The following ERBB4 variants were observed in gnomAD, a reference collection of about 807,000 sequenced individuals.
ERBB4 encodes receptor tyrosine-protein kinase erbB-4.
ERBB4 carries 42 observed loss-of-function variants against 158.0 expected under a neutral mutation model. That is an observed-to-expected ratio of 0.27 (90% CI 0.21 to 0.34). The LOEUF (loss-of-function observed/expected upper bound fraction) is 0.34, where lower values mean the gene tolerates loss of function less well. Ranked by LOEUF, ERBB4 falls within the 10% of genes least tolerant of loss-of-function variation. The probability of loss-of-function intolerance (pLI) is 1.00; values close to 1 mark genes in which losing one functional copy is unlikely to be tolerated. For missense variants in ERBB4, 1,333 were observed against 1,624.1 expected, an observed-to-expected ratio of 0.82 and a Z score of 3.08; for synonymous variants, 583 against 558.7, an observed-to-expected ratio of 1.04 and a Z score of -0.61.
intron 3 of ERBB4, among the ~76,000 whole-genome samples, chr2:211,846,792 T>G (rs1367575380): frequency 1.3e-5 from 2 of 152,126 alleles, no homozygotes; most frequent in African/African-American, 4.8e-5. Context: ...GCAATGCTGA[T>G]TTCTTCATGC....
chr2:211,915,422 CAG>C (rs1176598688), intron 3 of ERBB4, among the ~76,000 whole-genome samples: 1 of 139,456 alleles, frequency 7.2e-6, no homozygotes, highest in African/African-American at 2.7e-5. Context: ...GGCAAACTAA[CAG>C]AGTTCAAACA....
At chr2:211,943,879 C>T (rs761155613) in intron 3 of ERBB4, among the ~76,000 whole-genome samples, 55 of 151,538 alleles carry the variant, frequency 3.6e-4, no homozygotes, top group Admixed American at 1.3e-3. Flanking sequence ...TTTTAATGTG[C>T]GAATTAATCT....
chr2:211,384,053 C>A lies in ERBB4; in HGVS notation c.3489G>T (p.Leu1163=). 1 of 1,611,508 alleles carries A rather than the reference C, an allele frequency of 6.2e-7. No individual in the cohort carries two copies. The highest frequency in any genetic ancestry group is 8.5e-7 in the Non-Finnish European group (1 of 1,177,890). ...PMRDKPKQEY[L]NPVEENPFVS... ...CAAAAGGGTTCTCCTCCACTGGATT[C>A]AGGTATTCTAAAGGAATAAAAAAAT... Residue 1163 remains leucine, a synonymous_variant, in exon 28 of 28, where the codon CTG becomes CTT. Transcript: ENST00000342788.
At chr2:211,801,166 T>G (rs2076490819) in intron 3 of ERBB4, among the ~76,000 whole-genome samples, 1 of 152,144 alleles carries the variant, frequency 6.6e-6, no homozygotes. Flanking sequence ...CATTATTAAT[T>G]CAAATAAATG....
chr2:211,711,934 A>T, intron 9 of ERBB4, 116 bp downstream of exon 9: 1 of 854,780 alleles, frequency 1.2e-6, no homozygotes, highest in Non-Finnish European at 1.9e-6. Flanking sequence ...GGTGAGGAGC[A>T]TTAATGAAAG....
In ERBB4 at chr2:212,384,123, C is replaced by T. The variant is rs534160356; in HGVS notation, c.82+154326G>A. Among the ~76,000 whole-genome samples the T allele has an allele frequency of 3.3e-5, 5 of 151,754 alleles. No individual in the cohort carries two copies. In the South Asian group the frequency reaches 1.0e-3, roughly 31 times the overall value. On this transcript the variant is annotated intron_variant, in intron 1 of 27. Coordinates refer to ENST00000342788, the MANE Select transcript of ERBB4 (RefSeq NM_005235.3). ...ATTCCAGACCCAGTGGCTACAAACT[C>T]TTAATAAGCACAGAAGCTGCTTTTC...
chr2:212,056,419 T>C (rs1181273644), intron 2 of ERBB4, among the ~76,000 whole-genome samples: 2 of 151,992 alleles, frequency 1.3e-5, no homozygotes, highest in Admixed American at 6.6e-5. Context: ...ATTCAGGAAA[T>C]AGAGAGAACA....
intron 20 of ERBB4, among the ~76,000 whole-genome samples, chr2:211,443,355 C>A (rs1404874597): frequency 6.6e-6 from 1 of 151,968 alleles, no homozygotes; most frequent in Non-Finnish European, 1.5e-5. Context: ...GGCTTACTTG[C>A]ATATATGTTG....
intron 2 of ERBB4, among the ~76,000 whole-genome samples, chr2:211,982,690 G>C (rs577411751): frequency 6.6e-6 from 1 of 152,318 alleles, no homozygotes; most frequent in Admixed American, 6.5e-5. Flanking sequence ...ATAGGGCTCT[G>C]ACCCTTTATC....
intron 12 of ERBB4, among the ~76,000 whole-genome samples, chr2:211,684,093 T>A (rs988564290): frequency 3.3e-5 from 5 of 152,182 alleles, no homozygotes; most frequent in African/African-American, 1.2e-4. Flanking sequence ...ATTCCATCTA[T>A]CTATGAAACC....
intron 16 of ERBB4, among the ~76,000 whole-genome samples, chr2:211,655,171 T>A (rs2071163702): frequency 6.6e-6 from 1 of 151,956 alleles, no homozygotes. Context: ...GTGGCCAACA[T>A]TGTAATTGAG....
At chr2:211,902,206 T>A (rs1419867340) in intron 3 of ERBB4, among the ~76,000 whole-genome samples, 1 of 152,112 alleles carries the variant, frequency 6.6e-6, no homozygotes, top group African/African-American at 2.4e-5. Context: ...CCACAAAGAC[T>A]ATTTTGCGAA....
chr2:212,147,394 T>C (rs1335619676), intron 1 of ERBB4, among the ~76,000 whole-genome samples: 1 of 152,020 alleles, frequency 6.6e-6, no homozygotes, highest in Non-Finnish European at 1.5e-5. Flanking sequence ...TCCAGCATCA[T>C]TTAAGAGTTA....
chr2:211,937,166 C>T (rs1394399691), intron 3 of ERBB4, among the ~76,000 whole-genome samples: 1 of 152,160 alleles, frequency 6.6e-6, no homozygotes, highest in East Asian at 1.9e-4. Flanking sequence ...TACTTTTTCT[C>T]TTTTTAGAAA....
At chr2:211,472,386 T>C (rs1207286865) in intron 20 of ERBB4, among the ~76,000 whole-genome samples, 1 of 150,734 alleles carries the variant, frequency 6.6e-6, no homozygotes, top group African/African-American at 2.4e-5. Context: ...TGTCTCTACA[T>C]AGATTGTGTC....
At chr2:211,646,729 A>G (rs182675137) in intron 16 of ERBB4, among the ~76,000 whole-genome samples, 22 of 151,770 alleles carry the variant, frequency 1.4e-4, no homozygotes, top group African/African-American at 5.3e-4. Context: ...CTCAGAACAC[A>G]TACAGGATGC....
intron 20 of ERBB4, among the ~76,000 whole-genome samples, chr2:211,523,758 G>A (rs969544467): frequency 1.3e-5 from 2 of 152,070 alleles, no homozygotes; most frequent in Non-Finnish European, 2.9e-5. Context: ...TTATTGCAAA[G>A]AGTGAAAGAA....
chr2:212,512,384 G>A (rs1206765151), intron 1 of ERBB4, among the ~76,000 whole-genome samples: 1 of 151,248 alleles, frequency 6.6e-6, no homozygotes, highest in South Asian at 2.1e-4. Flanking sequence ...ATATGATACA[G>A]GTATTTTAAA....
chr2:211,462,283 C>T lies in ERBB4; in HGVS notation c.2488-31183G>A, dbSNP rs74499240. On this transcript the variant is annotated intron_variant, in intron 20 of 27. Coordinates refer to ENST00000342788, the MANE Select transcript of ERBB4 (RefSeq NM_005235.3). ...TATCATGAGCAGCACTGAGGGATAC[C>T]TGCCCCCATGATCCAATCACTTCCC... Among the ~76,000 whole-genome samples the T allele has an allele frequency of 1.4e-3, 217 of 152,142 alleles. 2 individuals carry two copies. Among genetic ancestry groups the T allele is most frequent in the African/African-American group, 4.8e-3 (201 of 41,522 alleles).
Sources: gnomAD v4.1 joint callset for allele counts (sites outside exome capture counted in the v4.1 genomes callset) on GRCh38, gnomAD v4.1.1 for gene constraint, MANE v1.5 for transcripts, NCBI Gene and HGNC (gene_info 2026-07-23, HGNC 2026-07-21) for gene names.